Variants in ROBO2 observed in about 807,000 individuals in gnomAD.
The protein encoded by ROBO2 is roundabout guidance receptor 2, also known as roundabout homolog 2.
In ROBO2, 53 loss-of-function variants were observed where a neutral mutation model predicts 160.8. The observed-to-expected ratio is 0.33, with a 90% CI of 0.26 to 0.41. The LOEUF (loss-of-function observed/expected upper bound fraction) is 0.41, where lower values mean the gene tolerates loss of function less well. Among genes scored for constraint, ROBO2 ranks in the 10% least tolerant of loss-of-function variants. The pLI, the probability that ROBO2 is intolerant of heterozygous loss-of-function variation, is 1.00. For missense variants in ROBO2, 1,577 were observed against 1,722.4 expected (o/e 0.92, Z 1.49); for synonymous variants, 664 against 611.7 (o/e 1.09, Z -1.26).
rs537033310 is a variant in ROBO2, at chr3:77,291,452, T to G, written c.389-185962T>G. Among the ~76,000 whole-genome samples, 11 of 147,274 alleles carry G rather than the reference T, an allele frequency of 7.5e-5. No homozygotes were observed. The South Asian group carries it at 1.7e-3, about 23-fold the overall frequency. On this transcript the variant is annotated intron_variant, in intron 2 of 25. Coordinates refer to ENST00000461745, the Ensembl canonical transcript of ROBO2. ...AGGCTAGATCACCCCAGACATGAAG[T>G]AAAATTGATGGTTAAACGGGTAGGC...
chr3:77,416,333 C>T (rs9873455), intron 2 of ROBO2, among the ~76,000 whole-genome samples: 104,734 of 151,986 alleles, frequency 0.69, 37,251 homozygotes, highest in African/African-American at 0.87. Flanking sequence ...TAGTGGACTC[C>T]CCTCAGAACT....
intron 2 of ROBO2, among the ~76,000 whole-genome samples, chr3:76,057,684 C>T (rs940709512): frequency 4.6e-5 from 7 of 152,144 alleles, no homozygotes; most frequent in East Asian, 1.9e-4. Context: ...AGATCACTGC[C>T]GCCGACCAAC....
chr3:76,911,219 ATAAG>A (rs1360992694), intron 2 of ROBO2, among the ~76,000 whole-genome samples: 8 of 152,186 alleles, frequency 5.3e-5, no homozygotes, highest in Admixed American at 1.3e-4. Context: ...ATGACTGTCA[ATAAG>A]TAGTATTGTA....
chr3:76,534,925 C>G (rs967020804), intron 2 of ROBO2, among the ~76,000 whole-genome samples: 4 of 151,906 alleles, frequency 2.6e-5, no homozygotes, highest in African/African-American at 9.7e-5. Flanking sequence ...AGGTCATCAA[C>G]ATATTGAGTA....
At chr3:77,071,950 A>G (rs529792274) in intron 1 of ROBO2, among the ~76,000 whole-genome samples, 62 of 152,156 alleles carry the variant, frequency 4.1e-4, no homozygotes, top group African/African-American at 1.5e-3. Context: ...TGGGCCCCGG[A>G]CCAGTACCGC....
chr3:76,032,185 G>T (rs1454193497), intron 2 of ROBO2, among the ~76,000 whole-genome samples: 2 of 152,226 alleles, frequency 1.3e-5, no homozygotes, highest in East Asian at 1.9e-4. Context: ...TTGTATTTCT[G>T]TGGGATCGGT....
At chr3:77,444,826 T>A (rs1237917462) in intron 2 of ROBO2, among the ~76,000 whole-genome samples, 2 of 152,174 alleles carry the variant, frequency 1.3e-5, no homozygotes, top group African/African-American at 4.8e-5. Context: ...ATTTCATATT[T>A]GAATAGTTAG....
chr3:76,222,383 A>T (rs148799202), intron 2 of ROBO2, among the ~76,000 whole-genome samples: 1 of 152,184 alleles, frequency 6.6e-6, no homozygotes, highest in Admixed American at 6.5e-5. Context: ...AAGAGGGCCA[A>T]GTGGGTGACT....
intron 2 of ROBO2, among the ~76,000 whole-genome samples, chr3:76,559,546 G>T (rs2084026098): frequency 6.6e-6 from 1 of 152,046 alleles, no homozygotes; most frequent in Admixed American, 6.6e-5. Flanking sequence ...GTCACCATTT[G>T]GCTGTAACAG....
intron 2 of ROBO2, among the ~76,000 whole-genome samples, chr3:77,374,169 CAAAAAAAAAAAAAAAA>C (rs60357417): frequency 3.5e-4 from 14 of 40,106 alleles, no homozygotes; most frequent in South Asian, 3.3e-3. Flanking sequence ...GAGACTCCAT[CAAAAAAAAAAAAAAAA>C]AAAAAAAAAA....
intron 2 of ROBO2, among the ~76,000 whole-genome samples, chr3:76,099,842 G>T (rs1339375024): frequency 3.3e-5 from 5 of 152,170 alleles, no homozygotes; most frequent in African/African-American, 1.2e-4. Flanking sequence ...GGCAAGTGCA[G>T]AAATTACTTT....
chr3:77,241,621 A>G (rs569912956), intron 2 of ROBO2, among the ~76,000 whole-genome samples: 32 of 152,348 alleles, frequency 2.1e-4, no homozygotes, highest in African/African-American at 7.5e-4. Context: ...TTCATAGACT[A>G]GAGATAAATC....
At chr3:77,592,245 A>G (rs2153685720) in intron 17 of ROBO2, among the ~76,000 whole-genome samples, 1 of 152,236 alleles carries the variant, frequency 6.6e-6, no homozygotes. Context: ...ATATTTACAT[A>G]ATGTGTGAAG....
intron 2 of ROBO2, among the ~76,000 whole-genome samples, chr3:76,942,018 T>A (rs934813301): frequency 2.6e-5 from 4 of 152,186 alleles, no homozygotes; most frequent in Non-Finnish European, 5.9e-5. Context: ...GACTTACCTA[T>A]AATAAATGTT....
intron 23 of ROBO2, 194 bp from the exon 25 acceptor site, chr3:77,634,676 T>C (rs1583423812): frequency 3.3e-6 from 2 of 609,770 alleles, no homozygotes; most frequent in African/African-American, 3.7e-5. Context: ...TGTTAGCTTA[T>C]TAAAAATTGA....
intron 2 of ROBO2, among the ~76,000 whole-genome samples, chr3:77,175,549 G>A (rs2080070734): frequency 6.6e-6 from 1 of 151,998 alleles, no homozygotes; most frequent in Non-Finnish European, 1.5e-5. Context: ...ACAGTTGGAG[G>A]CAGGAAGTGT....
intron 2 of ROBO2, among the ~76,000 whole-genome samples, chr3:77,254,794 T>C (rs1213816338): frequency 6.6e-6 from 1 of 152,234 alleles, no homozygotes; most frequent in East Asian, 1.9e-4. Context: ...GCATTTTCTC[T>C]TGACATAAGG....
At chr3:77,558,733 A>G (rs535233358) in intron 9 of ROBO2, among the ~76,000 whole-genome samples, 4 of 152,076 alleles carry the variant, frequency 2.6e-5, no homozygotes, top group Non-Finnish European at 4.4e-5. Flanking sequence ...TGGCAACTTA[A>G]CAAGTCAGTC....
chr3:77,108,907 G>C (rs998014324), intron 2 of ROBO2, among the ~76,000 whole-genome samples: 3 of 152,094 alleles, frequency 2.0e-5, no homozygotes, highest in Non-Finnish European at 2.9e-5. Context: ...TAGAACCCAA[G>C]GGAGCACTGT....
Sources: allele counts gnomAD v4.1 joint callset (sites outside exome capture counted in the v4.1 genomes callset), GRCh38; gene constraint gnomAD v4.1.1; transcripts MANE v1.5; gene names NCBI Gene and HGNC (gene_info 2026-07-23, HGNC 2026-07-21).